Variants in VMP1 observed in about 807,000 individuals in gnomAD.
VMP1 encodes the protein vacuole membrane protein 1, also known as ectopic P-granules autophagy protein 3 homolog.
Under a neutral mutation model 56.0 loss-of-function variants are expected in VMP1, and 11 were observed. The observed-to-expected ratio is 0.20, with a 90% confidence interval of 0.12 to 0.32. The LOEUF (loss-of-function observed/expected upper bound fraction) is 0.32, where lower values mean the gene tolerates loss of function less well. VMP1 is among the 10% of genes least tolerant of loss of function. The probability of loss-of-function intolerance (pLI) is 1.00; values close to 1 mark genes in which losing one functional copy is unlikely to be tolerated. For synonymous variants in VMP1, 149 were observed against 165.0 expected (o/e 0.90, Z 0.74); for missense variants, 296 against 490.3 (o/e 0.60, Z 3.74).
At chr17:59,775,566 C>T (rs901039964) in intron 7 of VMP1, among the ~76,000 whole-genome samples, 1 of 152,070 alleles carries the variant, frequency 6.6e-6, no homozygotes, top group Non-Finnish European at 1.5e-5. Flanking sequence ...AAGTGATCCT[C>T]CCACCCTGGC....
intron 11 of VMP1, 101 bp downstream of exon 11, chr17:59,838,498 T>TTTTTTAGGCAAATAAGTGAAG (rs2039056680): frequency 1.7e-6 from 2 of 1,199,242 alleles, no homozygotes; most frequent in Non-Finnish European, 2.4e-6. Flanking sequence ...GTGAAGTTGG[T>TTTTTTAGGCAAATAAGTGAAG]TTGCCAGTGT....
chr17:59,784,433 A>C (rs8073489), intron 7 of VMP1, among the ~76,000 whole-genome samples: 19,196 of 150,400 alleles, frequency 0.13, 1,474 homozygotes, highest in Middle Eastern at 0.22. Flanking sequence ...CACCCCCTTC[A>C]CTCCTCTCAA....
chr17:59,718,479 A>G (rs945824356), intron 1 of VMP1, among the ~76,000 whole-genome samples: 3 of 151,468 alleles, frequency 2.0e-5, no homozygotes, highest in African/African-American at 7.3e-5. Flanking sequence ...TACAGGTGTG[A>G]GCCACCGTGC....
chr17:59,738,181 G>T (rs2035087330), intron 4 of VMP1, among the ~76,000 whole-genome samples: 1 of 152,096 alleles, frequency 6.6e-6, no homozygotes, highest in Non-Finnish European at 1.5e-5. Flanking sequence ...CATCCAAATA[G>T]GTAGGCCTCT....
Position 59,808,922 on chromosome 17 carries a change from T to TA in VMP1, c.795+47dup, listed in dbSNP as rs1185061325. The TA allele has an allele frequency of 1.9e-5, 29 of 1,530,500 alleles. No homozygotes were observed. The Admixed American group carries it at 5.0e-4, about 26-fold the overall frequency. 94.8% of individuals were successfully genotyped at this position (1,530,500 alleles called of 1,614,324 possible). On this transcript the variant is annotated intron_variant, in intron 8 of 11. Transcript: ENST00000262291. The stretch of plus-strand genomic sequence containing the variant: ...CAGAACTTTTACTAAGTGGTAGTGT[T>TA]ATATTTTGATCCATATATACTCCTG...
At chr17:59,838,137 A>C in intron 10 of VMP1, 158 bp from the exon 11 acceptor site, 1 of 371,904 alleles carries the variant, frequency 2.7e-6, no homozygotes, top group East Asian at 4.2e-5. Flanking sequence ...AAAAGGGGTC[A>C]CAGAATTTCA....
chr17:59,776,702 T>C (rs2036629153), intron 7 of VMP1, among the ~76,000 whole-genome samples: 1 of 152,218 alleles, frequency 6.6e-6, no homozygotes, highest in Admixed American at 6.5e-5. Flanking sequence ...GGGTGAGACT[T>C]GTGACAACTG....
At chr17:59,825,077 ATTTTTTTT>A (rs747807694) in intron 10 of VMP1, among the ~76,000 whole-genome samples, 6 of 70,098 alleles carry the variant, frequency 8.6e-5, no homozygotes, top group South Asian at 5.0e-4. Context: ...GTTAGTTGTG[ATTTTTTTT>A]TTTTTTTTTT....
Position 59,712,502 on chromosome 17 carries a change from A to G in VMP1, c.-27+4754A>G, listed in dbSNP as rs192177727. Among the ~76,000 whole-genome samples the G allele has an allele frequency of 2.2e-3, 331 of 152,290 alleles. 1 individual carries two copies. The highest frequency in any genetic ancestry group is 7.6e-3 in the African/African-American group (314 of 41,558). On this transcript the variant is annotated intron_variant, in intron 1 of 11. Coordinates refer to ENST00000262291, the MANE Select transcript of VMP1 (RefSeq NM_030938.5). ...GAAAGATCATTTTCCAGTGACATCTATTGCCTTATCTGTTCATTATCCAGT... is the reference window on the plus strand; with the variant it reads ...GAAAGATCATTTTCCAGTGACATCTGTTGCCTTATCTGTTCATTATCCAGT...
At chr17:59,772,746 G>A (rs964043361) in intron 6 of VMP1, among the ~76,000 whole-genome samples, 9 of 151,378 alleles carry the variant, frequency 5.9e-5, no homozygotes, top group African/African-American at 1.5e-4. Context: ...TCCAGCCTTC[G>A]TGACAGAGTG....
chr17:59,732,057 T>A (rs2143804350), intron 2 of VMP1, among the ~76,000 whole-genome samples: 1 of 152,290 alleles, frequency 6.6e-6, no homozygotes, highest in Non-Finnish European at 1.5e-5. Context: ...GAAACTTTCC[T>A]TCATGCATTT....
intron 11 of VMP1, chr17:59,838,839 C>T (rs2144357619): frequency 6.4e-6 from 1 of 155,332 alleles, no homozygotes; most frequent in African/African-American, 2.4e-5. Flanking sequence ...AAGGCTCTTA[C>T]CATAGCTGAA....
chr17:59,816,219 G>C (rs1245381381), intron 9 of VMP1, among the ~76,000 whole-genome samples: 1 of 152,168 alleles, frequency 6.6e-6, no homozygotes, highest in Non-Finnish European at 1.5e-5. Flanking sequence ...TTAGGCATTG[G>C]CTTATTTTGA....
At chr17:59,774,944 T>A (rs1282113048) in intron 7 of VMP1, among the ~76,000 whole-genome samples, 79 of 148,464 alleles carry the variant, frequency 5.3e-4, no homozygotes, top group African/African-American at 1.8e-3. Flanking sequence ...AAAAAAAATT[T>A]TTTTTTTTTT....
chr17:59,722,590 C>T (rs2034443352), intron 1 of VMP1, among the ~76,000 whole-genome samples: 1 of 152,072 alleles, frequency 6.6e-6, no homozygotes, highest in South Asian at 2.1e-4. Context: ...CCCATAACCC[C>T]AACACTTTGG....
At chr17:59,748,894 A>ATTTT (rs1555615948) in intron 5 of VMP1, among the ~76,000 whole-genome samples, 1 of 145,776 alleles carries the variant, frequency 6.9e-6, no homozygotes, top group African/African-American at 2.6e-5. Flanking sequence ...ATTATTATTT[A>ATTTT]TTTTTTTTTT....
At chr17:59,762,097 A>G (rs1416100592) in intron 5 of VMP1, among the ~76,000 whole-genome samples, 1 of 152,202 alleles carries the variant, frequency 6.6e-6, no homozygotes, top group Non-Finnish European at 1.5e-5. Flanking sequence ...ATGTCTAAAA[A>G]GAATTGTCCC....
intron 7 of VMP1, among the ~76,000 whole-genome samples, chr17:59,802,388 C>T (rs2037703141): frequency 6.6e-6 from 1 of 150,918 alleles, no homozygotes; most frequent in Admixed American, 6.7e-5. Flanking sequence ...TGTATAAATA[C>T]ACTGCATGAT....
At chr17:59,807,552 G>T (rs1450059089) in intron 7 of VMP1, among the ~76,000 whole-genome samples, 2 of 151,886 alleles carry the variant, frequency 1.3e-5, no homozygotes, top group Non-Finnish European at 2.9e-5. Context: ...TGAACTAAAG[G>T]CCGGGTGTAG....
Sources: allele counts gnomAD v4.1 joint callset (sites outside exome capture counted in the v4.1 genomes callset), GRCh38; gene constraint gnomAD v4.1.1; transcripts MANE v1.5; gene names NCBI Gene and HGNC (gene_info 2026-07-23, HGNC 2026-07-21).